FAT3: variants seen among roughly 807,000 people sequenced by gnomAD.
FAT3 encodes FAT atypical cadherin 3, also known as protocadherin Fat 3.
Under a neutral mutation model 310.2 loss-of-function variants are expected in FAT3, and 95 were observed. That is an observed-to-expected ratio of 0.31 (90% confidence interval 0.26 to 0.36). The LOEUF (loss-of-function observed/expected upper bound fraction) is 0.36. Ranked by LOEUF, FAT3 falls within the 10% of genes least tolerant of loss-of-function variation. The pLI is 1.00. For synonymous variants in FAT3, 2,314 were observed against 2,192.9 expected, an observed-to-expected ratio of 1.06 and a Z score of -1.54; for missense variants, 5,408 against 5,715.6, an observed-to-expected ratio of 0.95 and a Z score of 1.74.
chr11:92,778,345 T>A (rs1186602667), intron 7 of FAT3, among the ~76,000 whole-genome samples: 1 of 152,212 alleles, frequency 6.6e-6, no homozygotes, highest in Non-Finnish European at 1.5e-5. Flanking sequence ...TGTTGTGGAA[T>A]GATAGCAGAT....
chr11:92,245,156 A>C (rs887988973), intron 1 of FAT3, among the ~76,000 whole-genome samples: 1 of 152,202 alleles, frequency 6.6e-6, no homozygotes, highest in African/African-American at 2.4e-5. Flanking sequence ...AATACTATGC[A>C]GCCATAAAAA....
chr11:92,693,674 G>GT (rs1943858414), intron 3 of FAT3, among the ~76,000 whole-genome samples: 1 of 152,144 alleles, frequency 6.6e-6, no homozygotes, highest in Non-Finnish European at 1.5e-5. Context: ...GTAGCTCATC[G>GT]TAAGTAGGTA....
In FAT3 at chr11:92,895,546, C is replaced by T. The variant is rs930561109; in HGVS notation, c.*4433C>T. The T allele has an allele frequency of 1.3e-5, 2 of 152,236 alleles. No individual in the cohort carries two copies. Among genetic ancestry groups the T allele is most frequent in the East Asian group, 1.9e-4 (1 of 5,190 alleles). 9.4% of individuals were successfully genotyped at this position (152,236 alleles called of 1,614,324 possible). ...TTGAGAATCGTAGAGTCATTTGGAGCGTGTTTGGACCAATTAGTATGTACT... is the reference window on the plus strand; with the variant it reads ...TTGAGAATCGTAGAGTCATTTGGAGTGTGTTTGGACCAATTAGTATGTACT... On this transcript the variant is annotated 3_prime_UTR_variant, in exon 28 of 28. Coordinates refer to ENST00000525166, the MANE Select transcript of FAT3 (RefSeq NM_001367949.2).
intron 4 of FAT3, among the ~76,000 whole-genome samples, chr11:92,739,983 A>G (rs1009928904): frequency 6.6e-6 from 1 of 152,174 alleles, no homozygotes; most frequent in African/African-American, 2.4e-5. Flanking sequence ...GTTCTGGGAG[A>G]AAGTACAACT....
rs996220919 is a variant in FAT3 at position 92,714,509 on chromosome 11, GA to G, written c.3669+17074del. 8.2e-4 allele frequency among the ~76,000 whole-genome samples: 123 copies of G among 149,466 alleles called. 2 individuals are homozygous for G. The highest frequency in any genetic ancestry group is 1.9e-3 in the African/African-American group (79 of 40,844). On this transcript the variant is annotated intron_variant, in intron 4 of 27. Transcript: ENST00000525166. ...CATATTCCCCCAAAGCACAAAAAAG[GA>G]AAAAAAAAATTTGAAAACTATGATG...
chr11:92,522,346 C>T (rs1370024106), intron 2 of FAT3, among the ~76,000 whole-genome samples: 1 of 152,164 alleles, frequency 6.6e-6, no homozygotes, highest in African/African-American at 2.4e-5. Flanking sequence ...GATGTGCTCA[C>T]ACCTGTTCAG....
chr11:92,234,720 G>A (rs1198857603), intron 1 of FAT3, among the ~76,000 whole-genome samples: 2 of 152,038 alleles, frequency 1.3e-5, no homozygotes, highest in African/African-American at 2.4e-5. Context: ...TGACCAACAT[G>A]GTGAAACCGT....
At chr11:92,833,636 C>T (rs999737051) in intron 14 of FAT3, among the ~76,000 whole-genome samples, 9 of 152,084 alleles carry the variant, frequency 5.9e-5, no homozygotes, top group Admixed American at 3.3e-4. Context: ...AGTCCTGGCC[C>T]GTGGTAAGTA....
intron 2 of FAT3, among the ~76,000 whole-genome samples, chr11:92,507,150 C>T (rs1215843064): frequency 6.6e-6 from 1 of 152,182 alleles, no homozygotes; most frequent in East Asian, 1.9e-4. Flanking sequence ...CAAGTGGGCA[C>T]ATTTCATCTC....
rs4995867 is a variant in FAT3 at position 92,240,575 on chromosome 11, C to A, written c.-18+15401C>A. On this transcript the variant is annotated intron_variant, in intron 1 of 27. Coordinates refer to ENST00000525166, the MANE Select transcript of FAT3 (RefSeq NM_001367949.2). ...TTACTTGAAACAAAATGAAACCCCC[C>A]CAAAAAAAAAAAACCCAAAAAACCA... 9.6e-3 allele frequency among the ~76,000 whole-genome samples: 858 copies of A among 89,378 alleles called. 13 individuals are homozygous for A. The highest frequency in any genetic ancestry group is 0.031 in the African/African-American group (785 of 25,048). 58.6% of individuals were successfully genotyped at this position (89,378 alleles called of 152,430 possible).
At chr11:92,445,271 C>A (rs1172990379) in intron 2 of FAT3, among the ~76,000 whole-genome samples, 2 of 152,122 alleles carry the variant, frequency 1.3e-5, no homozygotes, top group Non-Finnish European at 2.9e-5. Flanking sequence ...GTTTTAGAAT[C>A]ACTTTAGAAT....
chr11:92,310,935 T>G (rs1308267841), intron 1 of FAT3, among the ~76,000 whole-genome samples: 1 of 151,864 alleles, frequency 6.6e-6, no homozygotes, highest in Non-Finnish European at 1.5e-5. Flanking sequence ...TCCATTCTTT[T>G]TACTTTTATT....
chr11:92,499,112 C>A (rs1167032928), intron 2 of FAT3, among the ~76,000 whole-genome samples: 2 of 151,990 alleles, frequency 1.3e-5, no homozygotes, highest in African/African-American at 2.4e-5. Flanking sequence ...TGCACCCTAC[C>A]TTGTGCTGGG....
At chr11:92,784,837 C>A (rs1038833002) in intron 7 of FAT3, among the ~76,000 whole-genome samples, 3 of 152,106 alleles carry the variant, frequency 2.0e-5, no homozygotes, top group African/African-American at 7.2e-5. Context: ...AGCACATCAA[C>A]TTTGAAACTT....
At chr11:92,434,985 A>AG (rs1249059392) in intron 2 of FAT3, among the ~76,000 whole-genome samples, 4 of 152,304 alleles carry the variant, frequency 2.6e-5, no homozygotes, top group African/African-American at 9.6e-5. Flanking sequence ...GGATTTTATT[A>AG]GGGGCTTGCA....
intron 3 of FAT3, among the ~76,000 whole-genome samples, chr11:92,637,012 C>T (rs1018085135): frequency 6.6e-6 from 1 of 152,148 alleles, no homozygotes; most frequent in Admixed American, 6.5e-5. Context: ...CCAACTTGCC[C>T]GTTTCTGTCA....
At chr11:92,747,445 A>G (rs995667052) in intron 4 of FAT3, among the ~76,000 whole-genome samples, 108 of 152,066 alleles carry the variant, frequency 7.1e-4, no homozygotes, top group African/African-American at 2.4e-3. Context: ...CCACAAAACC[A>G]TTTTTTCCTC....
intron 24 of FAT3, chr11:92,886,787 G>A: frequency 3.7e-6 from 2 of 540,422 alleles, no homozygotes; most frequent in Non-Finnish European, 6.6e-6. Context: ...ATTTACTATG[G>A]GCTAAGGGTT....
In FAT3 at chr11:92,553,400, A is replaced by G. The variant is rs75355116; in HGVS notation, c.3607+28452A>G. Among the ~76,000 whole-genome samples, 76 of 152,364 alleles carry G rather than the reference A, an allele frequency of 5.0e-4. No individual in the cohort carries two copies. The East Asian group carries it at 0.014, about 27-fold the overall frequency. Reference sequence around the variant, plus strand: ...TAGATACAAAGATGAATAAGGCACAAGTATTAGCTTCAAAGAGCTTAGAGT... The same window carrying G: ...TAGATACAAAGATGAATAAGGCACAGGTATTAGCTTCAAAGAGCTTAGAGT... On this transcript the variant is annotated intron_variant, in intron 3 of 27. Transcript: ENST00000525166.
Sources: gnomAD v4.1 joint callset for allele counts (sites outside exome capture counted in the v4.1 genomes callset) on GRCh38, gnomAD v4.1.1 for gene constraint, MANE v1.5 for transcripts, NCBI Gene and HGNC (gene_info 2026-07-23, HGNC 2026-07-21) for gene names.